Variants in HDLBP observed in about 807,000 individuals in gnomAD.
HDLBP encodes vigilin.
Under a neutral mutation model 137.3 loss-of-function variants are expected in HDLBP, and 30 were observed. That is an observed-to-expected ratio of 0.22 (90% CI 0.16 to 0.30). HDLBP has a LOEUF of 0.30. Ranked by LOEUF, HDLBP falls within the 10% of genes least tolerant of loss-of-function variation. HDLBP has a pLI of 1.00. For synonymous variants in HDLBP, 606 were observed against 596.0 expected (o/e 1.02, Z -0.24); for missense variants, 1,119 against 1,667.3 (o/e 0.67, Z 5.73).
chr2:241,282,956 C>T (rs2074660888), intron 1 of HDLBP, among the ~76,000 whole-genome samples: 1 of 152,174 alleles, frequency 6.6e-6, no homozygotes, highest in Middle Eastern at 3.2e-3. Context: ...ATTAAGAAGG[C>T]ACGTGAAGAA....
chr2:241,288,781 C>T (rs1031842285), intron 1 of HDLBP, among the ~76,000 whole-genome samples: 2 of 152,176 alleles, frequency 1.3e-5, no homozygotes, highest in Non-Finnish European at 2.9e-5. Context: ...AGGCCCCCAC[C>T]CCAACTGTAA....
intron 5 of HDLBP, among the ~76,000 whole-genome samples, chr2:241,257,613 G>A (rs1288661854): frequency 6.6e-6 from 1 of 152,250 alleles, no homozygotes; most frequent in Non-Finnish European, 1.5e-5. Flanking sequence ...ACAAGGTGGA[G>A]TATGTGCATT....
rs944481753 is a variant in HDLBP, at chr2:241,255,177, A to G, written c.1081-19T>C. 3 of 1,607,294 alleles carry G rather than the reference A, an allele frequency of 1.9e-6. No homozygotes were observed. The highest frequency in any genetic ancestry group is 1.7e-6 in the Non-Finnish European group (2 of 1,173,760). On this transcript the variant is annotated intron_variant, in intron 8 of 27. Transcript: ENST00000310931. ...TATTGGCCTAAGAAAATGGGAGAAC[A>G]GCCATGGGTTTGCAGAGCTCAAGGT...
intron 1 of HDLBP, among the ~76,000 whole-genome samples, chr2:241,277,760 G>C (rs892413533): frequency 1.2e-3 from 189 of 152,252 alleles, no homozygotes; most frequent in Non-Finnish European, 2.1e-4. Flanking sequence ...TTGGGAGTTC[G>C]AGACCAGCCT....
intron 1 of HDLBP, among the ~76,000 whole-genome samples, chr2:241,306,251 CCACT>C (rs1441376848): frequency 1.3e-5 from 2 of 151,728 alleles, no homozygotes; most frequent in African/African-American, 2.4e-5. Context: ...AATGAAAAAC[CCACT>C]CAGAGATTCA....
At chr2:241,295,902 G>A (rs2075161019) in intron 1 of HDLBP, among the ~76,000 whole-genome samples, 1 of 152,190 alleles carries the variant, frequency 6.6e-6, no homozygotes, top group South Asian at 2.1e-4. Flanking sequence ...CAGAGGGAGT[G>A]TGGCCCTGCC....
chr2:241,277,035 A>G (rs567192523), intron 1 of HDLBP, among the ~76,000 whole-genome samples: 1 of 152,180 alleles, frequency 6.6e-6, no homozygotes, highest in African/African-American at 2.4e-5. Flanking sequence ...AATCATAGTA[A>G]CATTCTCAGA....
intron 1 of HDLBP, chr2:241,279,848 C>A (rs2074531577): frequency 2.1e-6 from 2 of 944,970 alleles, no homozygotes; most frequent in Non-Finnish European, 1.3e-6. Context: ...TAATAGTCAA[C>A]AAATTTTTAA....
At chr2:241,269,285 G>T (rs531969448) in intron 1 of HDLBP, 4 of 152,372 alleles carry the variant, frequency 2.6e-5, no homozygotes, top group South Asian at 4.1e-4. Context: ...TGACAGGAGT[G>T]AGGCATGTGT....
At position 241,256,699 on chromosome 2, in the gene HDLBP, G is replaced by C. The variant is rs764717873; in HGVS notation, c.558C>G (p.Ile186Met). The C allele has an allele frequency of 1.9e-6, 3 of 1,614,218 alleles. No homozygotes were observed. Among genetic ancestry groups the C allele is most frequent in the South Asian group, 1.1e-5 (1 of 91,088 alleles). Residue 186 changes from isoleucine (I) to methionine (M), a missense_variant, in exon 6 of 28, where the codon ATC (isoleucine) becomes ATG (methionine). Around this residue, in one of 4 missense-constraint regions of HDLBP, gnomAD observed 425 missense variants for 693.9 expected, o/e 0.61. Transcript: ENST00000310931. ...GATTGCTGGGGTCATCTGGGCGTGGGATCTGGATTTTGGTTGCAGTTTTTA... is the reference window on the plus strand; with the variant it reads ...GATTGCTGGGGTCATCTGGGCGTGGCATCTGGATTTTGGTTGCAGTTTTTA... ...LELKTATKIQ[I>M]PRPDDPSNQI... is the part of the protein sequence containing the mutation.
At chr2:241,235,635 A>T in intron 21 of HDLBP, 41 bp from the exon 22 acceptor site, 1 of 1,427,356 alleles carries the variant, frequency 7.0e-7, no homozygotes, top group Non-Finnish European at 9.9e-7. Context: ...GGGAGCTGAG[A>T]GCAGAGTGAC....
Position 241,229,663 on chromosome 2 carries a change from C to A in HDLBP, c.3745G>T (p.Glu1249Ter). The A allele has an allele frequency of 6.2e-7, 1 of 1,614,160 alleles. No individual in the cohort carries two copies. Among genetic ancestry groups the A allele is most frequent in the South Asian group, 1.1e-5 (1 of 91,056 alleles). Reference protein sequence around the residue: ...EKAPDMSSSEEFPSFGAQVAP... With the variant: ...EKAPDMSSSE ...ACCTGAGCCCCAAAGCTGGGAAATT[C>A]CTCAGAGCTGCTCATGTCAGGAGCC... is the stretch of plus-strand genomic sequence containing the variant. The change falls in exon 28 of 28, where the codon GAA (glutamate) becomes TAA (stop). Residue 1249 changes from glutamate (E) to a stop codon, truncating the protein, a stop_gained. Transcript: ENST00000310931. LOFTEE classifies it high-confidence loss of function.
rs376881661 is a variant in HDLBP at position 241,256,623 on chromosome 2, C to T, written c.634G>A (p.Val212Ile). 4.3e-6 allele frequency: 7 copies of T among 1,614,156 alleles called. No individual in the cohort carries two copies. The African/African-American group carries it at 8.0e-5, about 18-fold the overall frequency. ...ACCTGCTCGGCAGAGATGAGTAAGA[C>T]TTCATGGCGAGCTTTCTCGATGCCC... is the stretch of plus-strand genomic sequence containing the variant. The part of the protein sequence containing the change: ...KEGIEKARHE[V>I]LLISAEQDKR... Residue 212 changes from valine (V) to isoleucine (I), a missense_variant, in exon 6 of 28, where the codon GTC becomes ATC. By Grantham distance (29) the Val-to-Ile change is conservative. Coordinates refer to ENST00000310931, the MANE Select transcript of HDLBP (RefSeq NM_005336.6).
chr2:241,252,807 A>G (rs566231186), intron 11 of HDLBP, 150 bp downstream of exon 11: 14 of 548,486 alleles, frequency 2.6e-5, no homozygotes, highest in Non-Finnish European at 3.9e-5. Flanking sequence ...GGCCTCTTCC[A>G]GCAGGCAGGA....
rs560395603 is a variant in HDLBP, at chr2:241,305,585, T to A, written c.-103+9985A>T. On this transcript the variant is annotated intron_variant, in intron 1 of 27. Coordinates refer to ENST00000310931, the MANE Select transcript of HDLBP (RefSeq NM_005336.6). The stretch of plus-strand genomic sequence containing the variant: ...GGGCTGCCCTGTGTACCACAGGATG[T>A]AAGCATCTCTGGCCACAACCACCAG... Among the ~76,000 whole-genome samples, 3 of 152,290 alleles carry A rather than the reference T, an allele frequency of 2.0e-5. No individual in the cohort carries two copies. The East Asian group carries it at 5.8e-4, about 29-fold the overall frequency.
At chr2:241,254,926 T>C (rs1041534631) in intron 9 of HDLBP, 125 bp downstream of exon 9, 1 of 752,142 alleles carries the variant, frequency 1.3e-6, no homozygotes, top group African/African-American at 1.7e-5. Flanking sequence ...ACAGGCCAGT[T>C]AATTCAGAAA....
At chr2:241,253,289 G>A in intron 10 of HDLBP, 104 bp downstream of exon 10, 1 of 835,334 alleles carries the variant, frequency 1.2e-6, no homozygotes, top group Non-Finnish European at 2.1e-6. Context: ...TGCCCTGGGT[G>A]TCTGTGCCCG....
intron 1 of HDLBP, among the ~76,000 whole-genome samples, chr2:241,283,912 T>TA (rs2074707418): frequency 6.6e-6 from 1 of 152,102 alleles, no homozygotes; most frequent in African/African-American, 2.4e-5. Flanking sequence ...TCTGAAGAAT[T>TA]ACACTAAATA....
At chr2:241,268,637 A>G (rs2073852286) in intron 1 of HDLBP, 96 bp from the exon 2 acceptor site, 1 of 329,862 alleles carries the variant, frequency 3.0e-6, no homozygotes, top group Non-Finnish European at 4.3e-6. Context: ...CCTCAAAATC[A>G]GAAAAGGTCA....
Sources: allele counts gnomAD v4.1 joint callset (sites outside exome capture counted in the v4.1 genomes callset), GRCh38; gene constraint gnomAD v4.1.1; regional missense constraint gnomAD v4.1.1; transcripts MANE v1.5; gene names NCBI Gene and HGNC (gene_info 2026-07-23, HGNC 2026-07-21).